The following SLC30A10 variants were observed in gnomAD, a reference collection of about 807,000 sequenced individuals.
SLC30A10 encodes the protein calcium/manganese antiporter SLC30A10.
A neutral mutation model predicts 21.7 loss-of-function variants in SLC30A10; 8 were observed. The observed-to-expected ratio is 0.37, with a 90% CI of 0.22 to 0.67. SLC30A10 has a LOEUF of 0.67. Ranked by LOEUF, SLC30A10 falls within the 30% of genes least tolerant of loss-of-function variation. The probability of loss-of-function intolerance (pLI) is 0.58; values close to 1 mark genes in which losing one functional copy is unlikely to be tolerated. For synonymous variants in SLC30A10, 272 were observed against 279.4 expected (o/e 0.97, Z 0.26); for missense variants, 521 against 642.5 (o/e 0.81, Z 2.04).
intron 2 of SLC30A10, among the ~76,000 whole-genome samples, chr1:219,922,148 A>G (rs1447163552): frequency 2.0e-5 from 1 of 51,030 alleles, no homozygotes. Context: ...GAATTTTTTT[A>G]CCTTCTTGTT....
intron 1 of SLC30A10, among the ~76,000 whole-genome samples, chr1:219,940,186 G>A (rs1165255506): frequency 6.6e-6 from 1 of 152,100 alleles, no homozygotes; most frequent in African/African-American, 2.4e-5. Context: ...TGCTTGAAAC[G>A]CTGAGCCACC....
At chr1:219,939,608 T>C (rs1180093480) in intron 1 of SLC30A10, among the ~76,000 whole-genome samples, 1 of 152,068 alleles carries the variant, frequency 6.6e-6, no homozygotes, top group East Asian at 1.9e-4. Flanking sequence ...TTTTGTATTT[T>C]TAGTAGAGAG....
At chr1:219,958,579 T>TTA (rs1295840459) in exon 1 of SLC30A10, 1 of 152,722 alleles carries the variant, frequency 6.5e-6, no homozygotes, top group Non-Finnish European at 1.5e-5. Context: ...TGCTTCCATG[T>TTA]CTCCCTGGGG....
At position 219,915,457 on chromosome 1, in the gene SLC30A10, G is replaced by A. The variant is rs751572837; in HGVS notation, c.1450C>T (p.His484Tyr). The change falls in exon 4 of 4, where the codon CAT becomes TAT. Residue 484 changes from histidine to tyrosine, a missense_variant. His to Tyr is a moderately conservative substitution (Grantham distance 83). Coordinates refer to ENST00000366926, the MANE Select transcript of SLC30A10 (RefSeq NM_018713.3). ...ATTATGTGAGTACCAGATTAAAAAT[G>A]CGTTCTGTTGACATAACATTGGTCC... is the stretch of plus-strand genomic sequence containing the variant. ...QEDQCYVNRT[H>Y]F is the part of the protein sequence containing the mutation. The A allele has an allele frequency of 1.2e-6, 2 of 1,613,406 alleles. No homozygotes were observed. Among genetic ancestry groups the A allele is most frequent in the Non-Finnish European group, 1.7e-6 (2 of 1,179,598 alleles).
At chr1:219,941,895 C>T (rs1660128241) in intron 1 of SLC30A10, among the ~76,000 whole-genome samples, 1 of 152,206 alleles carries the variant, frequency 6.6e-6, no homozygotes, top group South Asian at 2.1e-4. Context: ...AACTTGGTGC[C>T]ATAATCGATC....
chr1:219,953,607 A>AAAAAAG (rs1171619024), intron 1 of SLC30A10, among the ~76,000 whole-genome samples: 2 of 151,868 alleles, frequency 1.3e-5, no homozygotes, highest in Non-Finnish European at 2.9e-5. Flanking sequence ...CGTCTCAAAA[A>AAAAAAG]AAAAAGAAAA....
In SLC30A10 at chr1:219,925,647, ATATATTTT is replaced by A. The variant is rs1480610804; in HGVS notation, c.718+1373_718+1380del. The stretch of plus-strand genomic sequence containing the variant: ...TGTGTGTGTACATATATATATATAT[ATATATTTT>A]TTTTTTTTTTTTTTTTTTGAGACAG... On this transcript the variant is annotated intron_variant, in intron 2 of 3. Coordinates refer to ENST00000366926, the MANE Select transcript of SLC30A10 (RefSeq NM_018713.3). Among the ~76,000 whole-genome samples the A allele has an allele frequency of 1.0e-4, 7 of 68,032 alleles. No individual in the cohort carries two copies. In the South Asian group the frequency reaches 3.5e-3, roughly 34 times the overall value. 44.6% of individuals were successfully genotyped at this position (68,032 alleles called of 152,430 possible). A position where few individuals can be genotyped will look rare whatever the true frequency, so the allele number is the denominator to read the frequency against.
intron 1 of SLC30A10, among the ~76,000 whole-genome samples, chr1:219,942,642 C>G (rs1660137072): frequency 6.6e-6 from 1 of 152,206 alleles, no homozygotes; most frequent in South Asian, 2.1e-4. Flanking sequence ...GTAATGCCCT[C>G]AGGCACCTGA....
At chr1:219,925,607 C>G (rs545511671) in intron 2 of SLC30A10, among the ~76,000 whole-genome samples, 3 of 136,134 alleles carry the variant, frequency 2.2e-5, no homozygotes, top group Admixed American at 7.9e-5. Flanking sequence ...TGAACTCCAC[C>G]TTAAAATTTA....
rs368970531 is a variant in SLC30A10 at position 219,915,559 on chromosome 1, C to T, written c.1348G>A (p.Ala450Thr). Residue 450 changes from alanine (A) to threonine (T), a missense_variant, in exon 4 of 4, where the codon GCA becomes ACA. Transcript: ENST00000366926. Reference sequence around the variant, plus strand: ...GACACTTCAATAGCCACTTCTCTTGCGTCTCTTCTACTGAGGCCATCACTT... The same window carrying T: ...GACACTTCAATAGCCACTTCTCTTGTGTCTCTTCTACTGAGGCCATCACTT... The part of the protein sequence containing the change: ...YGSDGLSRRD[A>T]REVAIEVSLD... The T allele has an allele frequency of 1.6e-5, 26 of 1,614,146 alleles. No individual in the cohort carries two copies. In the Admixed American group the frequency reaches 1.7e-4, roughly 10 times the overall value.
intron 1 of SLC30A10, among the ~76,000 whole-genome samples, chr1:219,947,055 A>G (rs966296261): frequency 1.5e-4 from 23 of 152,082 alleles, no homozygotes; most frequent in Non-Finnish European, 3.1e-4. Context: ...CAGAAAACAG[A>G]TGGTCCATTC....
At chr1:219,921,825 T>C (rs527563813) in intron 2 of SLC30A10, among the ~76,000 whole-genome samples, 50 of 152,048 alleles carry the variant, frequency 3.3e-4, no homozygotes, top group South Asian at 2.1e-3. Context: ...GGCCTGGTCA[T>C]GACCATTAAC....
intron 2 of SLC30A10, among the ~76,000 whole-genome samples, chr1:219,924,836 G>T (rs1659777072): frequency 6.6e-6 from 1 of 152,144 alleles, no homozygotes; most frequent in Admixed American, 6.5e-5. Context: ...AATCCCATAA[G>T]GTGGGTACTG....
chr1:219,945,744 AT>A (rs1188414359), intron 1 of SLC30A10, among the ~76,000 whole-genome samples: 1 of 152,216 alleles, frequency 6.6e-6, no homozygotes, highest in Non-Finnish European at 1.5e-5. Flanking sequence ...CCCAGATGGG[AT>A]TTTTTAAAAA....
At chr1:219,916,551 T>C (rs144592596) in intron 3 of SLC30A10, among the ~76,000 whole-genome samples, 197 of 152,364 alleles carry the variant, frequency 1.3e-3, no homozygotes, top group African/African-American at 4.6e-3. Context: ...ACTGTGTGTA[T>C]GGTATGATCT....
chr1:219,927,811 T>G lies in SLC30A10; in HGVS notation c.630A>C (p.Ala210=). 1.3e-6 allele frequency: 2 copies of G among 1,543,752 alleles called. No individual in the cohort carries two copies. The highest frequency in any genetic ancestry group is 1.7e-6 in the Non-Finnish European group (2 of 1,145,644). ...RKREKGATVF[A]NVAGDSFNTQ... ...GCAACCGAAAGGCACCTGCTACGTT[T>G]GCGAACACGGTCGCCCCCTTCTCCC... Residue 210 remains alanine (A), a synonymous_variant, in exon 1 of 4, where the codon GCA becomes GCC. Coordinates refer to ENST00000366926, the MANE Select transcript of SLC30A10 (RefSeq NM_018713.3).
intron 2 of SLC30A10, among the ~76,000 whole-genome samples, chr1:219,919,470 C>A (rs900423620): frequency 6.6e-6 from 1 of 151,986 alleles, no homozygotes; most frequent in Non-Finnish European, 1.5e-5. Context: ...TCTGAACCTG[C>A]GTTTTAAAAA....
rs1558247377 is a variant in SLC30A10, at chr1:219,911,160, T to TTTTTTTTTTG, written c.*4288_*4289insCAAAAAAAAA. 4.8e-4 allele frequency among the ~76,000 whole-genome samples: 35 copies of TTTTTTTTTTG among 73,204 alleles called. 1 individual carries two copies. Among genetic ancestry groups the TTTTTTTTTTG allele is most frequent in the East Asian group, 3.3e-3 (6 of 1,794 alleles). The allele number at this position is 73,204 out of a possible 152,430, so 48.0% of individuals were successfully genotyped here. A position where few individuals can be genotyped will look rare whatever the true frequency, so the allele number is the denominator to read the frequency against. ...TTTTTTCTACATCAGTTTTTTTTTTTTTTTTTTTTTTTTTGCAGTCTTTTA... is the reference window on the plus strand; with the variant it reads ...TTTTTTCTACATCAGTTTTTTTTTTTTTTTTTTTTGTTTTTTTTTTTTTTGCAGTCTTTTA... On this transcript the variant is annotated 3_prime_UTR_variant, in exon 4 of 4. Transcript: ENST00000366926.
chr1:219,938,239 G>T (rs1322281961), intron 1 of SLC30A10, among the ~76,000 whole-genome samples: 1 of 152,130 alleles, frequency 6.6e-6, no homozygotes, highest in Non-Finnish European at 1.5e-5. Flanking sequence ...CTCTGGAGAT[G>T]GCCTACATGG....
Sources: allele counts gnomAD v4.1 joint callset (sites outside exome capture counted in the v4.1 genomes callset), GRCh38; gene constraint gnomAD v4.1.1; transcripts MANE v1.5; gene names NCBI Gene and HGNC (gene_info 2026-07-23, HGNC 2026-07-21).